The following FAT1 variants were observed in gnomAD, a reference collection of about 807,000 sequenced individuals.
FAT1 encodes the protein FAT atypical cadherin 1, also known as protocadherin Fat 1.
Under a neutral mutation model 329.8 loss-of-function variants are expected in FAT1, and 171 were observed. The ratio of observed to expected loss-of-function variants is 0.52; its 90% confidence interval spans 0.46 to 0.59. FAT1 has a LOEUF of 0.59. Ranked by LOEUF, FAT1 falls within the 20% of genes least tolerant of loss-of-function variation. FAT1 has a pLI of 0.00. For synonymous variants in FAT1, 2,233 were observed against 2,228.6 expected (o/e 1.00, Z -0.06); for missense variants, 5,672 against 5,774.4 (o/e 0.98, Z 0.57).
At position 186,636,830 on chromosome 4, in the gene FAT1, G is replaced by C. The variant is rs2126564714; in HGVS notation, c.3727C>G (p.Pro1243Ala). ...TTGTAGAACTTTTGCAGAAACTGAG[G>C]TTTGTTGTCATTTTCATCAAGGATT... ...VKILDENDNK[P>A]QFLQKFYKIR... Residue 1243 changes from proline to alanine, a missense_variant, in exon 5 of 27, where the codon CCT (proline) becomes GCT (alanine). Around this residue, in one of 2 missense-constraint regions of FAT1, gnomAD observed 3,966 missense variants for 3,915.2 expected, o/e 1.01. Coordinates refer to ENST00000441802, the MANE Select transcript of FAT1 (RefSeq NM_005245.4). The C allele has an allele frequency of 6.2e-7, 1 of 1,613,916 alleles. No individual in the cohort carries two copies. The highest frequency in any genetic ancestry group is 2.2e-5 in the East Asian group (1 of 44,888).
chr4:186,701,005 C>T (rs1341690453), intron 2 of FAT1, among the ~76,000 whole-genome samples: 1 of 152,218 alleles, frequency 6.6e-6, no homozygotes. Context: ...CGGTAAGCGT[C>T]ACTGCGTGCT....
rs765572957 is a variant in FAT1 at position 186,609,765 on chromosome 4, A to G, written c.10068+36T>C. On this transcript the variant is annotated intron_variant, in intron 15 of 26. Transcript: ENST00000441802. ...AAACTTTTGCAAAGATCCAGAAGATACACAGTTTTCACTGTAATGGGGAAA... is the reference window on the plus strand; with the variant it reads ...AAACTTTTGCAAAGATCCAGAAGATGCACAGTTTTCACTGTAATGGGGAAA... 48 of 1,389,518 alleles carry G rather than the reference A, an allele frequency of 3.5e-5. 1 individual carries two copies. The Middle Eastern group carries it at 3.9e-3, about 113-fold the overall frequency. 86.1% of individuals were successfully genotyped at this position (1,389,518 alleles called of 1,614,324 possible). A position where few individuals can be genotyped will look rare whatever the true frequency, so the allele number is the denominator to read the frequency against.
chr4:186,589,105 G>A lies in FAT1; in HGVS notation c.13254C>T (p.Asn4418=), dbSNP rs753540274. 8.7e-6 allele frequency: 14 copies of A among 1,613,802 alleles called. No individual in the cohort carries two copies. The highest frequency in any genetic ancestry group is 2.7e-5 in the African/African-American group (2 of 74,884). ...EQTPLYSADP[N]AIDTDYYPGG... ...CAGGGTAATAGTCCGTATCGATGGC[G>A]TTTGGATCTGCTGAGTACAGGGGTG... Residue 4418 remains asparagine, a synonymous_variant, in exon 27 of 27, where the codon AAC becomes AAT. Coordinates refer to ENST00000441802, the MANE Select transcript of FAT1 (RefSeq NM_005245.4).
At chr4:186,673,979 T>A (rs960826620) in intron 2 of FAT1, among the ~76,000 whole-genome samples, 5 of 152,134 alleles carry the variant, frequency 3.3e-5, no homozygotes, top group African/African-American at 4.8e-5. Flanking sequence ...TAAAACTACA[T>A]CCACAAGACA....
At chr4:186,616,821 A>T (rs1261814044) in intron 11 of FAT1, among the ~76,000 whole-genome samples, 184 bp downstream of exon 11, 3 of 152,146 alleles carry the variant, frequency 2.0e-5, no homozygotes, top group Admixed American at 1.3e-4. Context: ...CTTTTGATTT[A>T]TTGAGCATTC....
chr4:186,685,202 G>C (rs1376924346), intron 2 of FAT1, among the ~76,000 whole-genome samples: 2 of 152,280 alleles, frequency 1.3e-5, no homozygotes, highest in Admixed American at 6.5e-5. Flanking sequence ...AAAGGCAAAG[G>C]CTCTTCTCAC....
At chr4:186,604,025 T>C (rs1738970473) in intron 18 of FAT1, 48 bp from the exon 19 acceptor site, 1 of 1,403,398 alleles carries the variant, frequency 7.1e-7, no homozygotes, top group Non-Finnish European at 9.8e-7. Context: ...GCACTGTTTA[T>C]AACTTCTTCA....
At position 186,619,600 on chromosome 4, in the gene FAT1, C is replaced by T. The variant is rs778652256; in HGVS notation, c.6986G>A (p.Ser2329Asn). 6.2e-7 allele frequency: 1 copy of T among 1,613,956 alleles called. No homozygotes were observed. Among genetic ancestry groups the T allele is most frequent in the Non-Finnish European group, 8.5e-7 (1 of 1,179,896 alleles). Residue 2329 changes from serine (S) to asparagine (N), a missense_variant, in exon 10 of 27, where the codon AGT (serine) becomes AAT (asparagine). Coordinates refer to ENST00000441802, the MANE Select transcript of FAT1 (RefSeq NM_005245.4). ...GCTGTCTACATGAAAATGATCATGA[C>T]TCTTGCTGTGATTCCCAAACATCTG... is the stretch of plus-strand genomic sequence containing the variant. ...SYQMFGNHSKSHDHFHVDSST... is the reference protein window; with the variant it reads ...SYQMFGNHSKNHDHFHVDSST...
intron 2 of FAT1, among the ~76,000 whole-genome samples, chr4:186,664,112 T>C (rs1409344905): frequency 1.3e-5 from 2 of 152,104 alleles, no homozygotes; most frequent in Non-Finnish European, 2.9e-5. Context: ...CTCCCCACAC[T>C]GCATCCCTGT....
intron 2 of FAT1, among the ~76,000 whole-genome samples, chr4:186,687,402 A>G (rs959639460): frequency 6.7e-6 from 1 of 150,332 alleles, no homozygotes; most frequent in Non-Finnish European, 1.5e-5. Context: ...ACAAACAAAA[A>G]AAAAGAACAG....
intron 3 of FAT1, among the ~76,000 whole-genome samples, chr4:186,644,028 T>C (rs1741236499): frequency 6.6e-6 from 1 of 152,190 alleles, no homozygotes; most frequent in Admixed American, 6.5e-5. Context: ...ACCTTTAAGA[T>C]TATCAAGTTG....
intron 2 of FAT1, among the ~76,000 whole-genome samples, chr4:186,675,885 G>C (rs918659216): frequency 2.6e-5 from 4 of 151,512 alleles, no homozygotes; most frequent in Non-Finnish European, 5.9e-5. Flanking sequence ...GTTTGTACTG[G>C]CTTGGATCTT....
intron 2 of FAT1, among the ~76,000 whole-genome samples, chr4:186,680,379 G>C (rs1193934263): frequency 6.6e-6 from 1 of 152,166 alleles, no homozygotes; most frequent in African/African-American, 2.4e-5. Flanking sequence ...ATCTGACTAT[G>C]ACTGAGTTTA....
chr4:186,604,287 A>T, intron 18 of FAT1, 90 bp downstream of exon 18: 2 of 1,105,002 alleles, frequency 1.8e-6, no homozygotes, highest in Non-Finnish European at 2.6e-6. Flanking sequence ...TTTGTATGAA[A>T]TGTAAGCTGT....
intron 6 of FAT1, among the ~76,000 whole-genome samples, chr4:186,634,330 T>G (rs1740727792): frequency 6.6e-6 from 1 of 152,234 alleles, no homozygotes; most frequent in East Asian, 1.9e-4. Flanking sequence ...TTTTTTCTCA[T>G]TTTTGACAAA....
At chr4:186,657,447 T>C (rs552825960) in intron 3 of FAT1, among the ~76,000 whole-genome samples, 12 of 151,916 alleles carry the variant, frequency 7.9e-5, no homozygotes, top group South Asian at 6.2e-4. Context: ...TATTATTTAG[T>C]GCTAGAAAGC....
chr4:186,651,396 C>G (rs1460591725), intron 3 of FAT1, among the ~76,000 whole-genome samples: 1 of 152,150 alleles, frequency 6.6e-6, no homozygotes, highest in African/African-American at 2.4e-5. Context: ...ACAGAAGGCG[C>G]AAGTGAGCGG....
chr4:186,670,192 A>G (rs1742667269), intron 2 of FAT1, among the ~76,000 whole-genome samples: 1 of 152,196 alleles, frequency 6.6e-6, no homozygotes, highest in Non-Finnish European at 1.5e-5. Flanking sequence ...GACTCTCAGA[A>G]ATACCTATCA....
Position 186,589,043 on chromosome 4 carries a change from G to A in FAT1, c.13316C>T (p.Pro4439Leu), listed in dbSNP as rs2126354889. The change falls in exon 27 of 27, where the codon CCA (proline) becomes CTA (leucine). Residue 4439 changes from proline to leucine, a missense_variant. Physicochemically the swap from Pro to Leu is moderately conservative, Grantham distance 98. This residue lies in a region of FAT1 where 1,706 missense variants were observed against 1,859.1 expected (regional missense o/e 0.92). Transcript: ENST00000441802. ...CTCATCAGCTGCGGGGAAGTCTTCT[G>A]GGGGTGGAGGAAAATCACTTTCGAT... The part of the protein sequence containing the change: ...YDIESDFPPP[P>L]EDFPAADELP... The A allele has an allele frequency of 8.7e-6, 14 of 1,613,904 alleles. No homozygotes were observed. The highest frequency in any genetic ancestry group is 1.3e-5 in the African/African-American group (1 of 75,016).
Sources: gnomAD v4.1 joint callset for allele counts (sites outside exome capture counted in the v4.1 genomes callset) on GRCh38, gnomAD v4.1.1 for gene constraint, gnomAD v4.1.1 regional missense constraint, MANE v1.5 for transcripts, NCBI Gene and HGNC (gene_info 2026-07-23, HGNC 2026-07-21) for gene names.